Variants in PSD3 observed in about 807,000 individuals in gnomAD.
PSD3 encodes pleckstrin and Sec7 domain containing 3, also known as PH and SEC7 domain-containing protein 3.
In PSD3, 49 loss-of-function variants were observed where a neutral mutation model predicts 105.5. The observed-to-expected ratio is 0.46, with a 90% CI of 0.37 to 0.59. PSD3 has a LOEUF of 0.59. Among genes scored for constraint, PSD3 ranks in the 20% least tolerant of loss-of-function variants. The pLI is 0.00. For synonymous variants in PSD3, 557 were observed against 457.8 expected (o/e 1.22, Z -2.77); for missense variants, 1,561 against 1,263.8 (o/e 1.24, Z -3.57).
chr8:18,936,227 G>A, intron 1 of PSD3, 85 bp from the exon 2 acceptor site: 2 of 882,934 alleles, frequency 2.3e-6, no homozygotes, highest in Non-Finnish European at 3.7e-6. Context: ...ACATGAGATT[G>A]GTAAAATAAT....
At chr8:18,785,944 A>G (rs572315077) in intron 8 of PSD3, among the ~76,000 whole-genome samples, 1 of 152,328 alleles carries the variant, frequency 6.6e-6, no homozygotes, top group South Asian at 2.1e-4. Context: ...AATGGCACTG[A>G]TAAGACTCGC....
chr8:18,982,982 C>T (rs945153775), intron 1 of PSD3, among the ~76,000 whole-genome samples: 8 of 152,314 alleles, frequency 5.3e-5, no homozygotes, highest in African/African-American at 9.6e-5. Context: ...AAGTTCCAGA[C>T]GGCATCTTTT....
chr8:18,993,207 A>C (rs1420084632), intron 1 of PSD3, among the ~76,000 whole-genome samples: 1 of 152,194 alleles, frequency 6.6e-6, no homozygotes, highest in East Asian at 1.9e-4. Flanking sequence ...TTTTCTCTTT[A>C]GATCATATTC....
rs1051072086 is a variant in PSD3, at chr8:18,822,849, G to T, written c.1635-17951C>A. 6.6e-5 allele frequency among the ~76,000 whole-genome samples: 10 copies of T among 152,132 alleles called. 1 individual carries two copies. The highest frequency in any genetic ancestry group is 2.6e-4 in the Admixed American group (4 of 15,278). On this transcript the variant is annotated intron_variant, in intron 4 of 15. Coordinates refer to ENST00000327040, the MANE Select transcript of PSD3 (RefSeq NM_015310.4). ...TCAAATAAAAAAATCCATGTCAGAT[G>T]ACCAGGTTCAGGTATTTTAAAGTTT... is the stretch of plus-strand genomic sequence containing the variant.
At chr8:18,828,086 A>G (rs1283819215) in intron 4 of PSD3, among the ~76,000 whole-genome samples, 2 of 142,354 alleles carry the variant, frequency 1.4e-5, no homozygotes, top group African/African-American at 5.5e-5. Flanking sequence ...TTTTTACAAA[A>G]AAAATGAGGT....
intron 2 of PSD3, among the ~76,000 whole-genome samples, chr8:18,899,794 A>G (rs565897255): frequency 4.5e-4 from 67 of 149,154 alleles, no homozygotes; most frequent in African/African-American, 1.5e-3. Flanking sequence ...TATATAACCC[A>G]AAGATTGGTA....
At chr8:18,864,606 C>T (rs1264142513) in intron 4 of PSD3, 3 of 152,140 alleles carry the variant, frequency 2.0e-5, no homozygotes, top group African/African-American at 7.2e-5. Context: ...AAGCCTTCCT[C>T]AGAGCTCACT....
At chr8:18,536,144 T>A (rs959112249) in intron 15 of PSD3, among the ~76,000 whole-genome samples, 186 bp from the exon 16 acceptor site, 13 of 152,214 alleles carry the variant, frequency 8.5e-5, no homozygotes, top group African/African-American at 3.1e-4. Context: ...GACTGTCTTA[T>A]GTAGATAAGA....
At chr8:18,544,171 CAA>C (rs201016537) in intron 15 of PSD3, among the ~76,000 whole-genome samples, 5,758 of 103,522 alleles carry the variant, frequency 0.056, 207 homozygotes, top group East Asian at 0.15. Context: ...AGAAACAAAC[CAA>C]AAAAAAAAAA....
chr8:18,793,488 A>G (rs1454912117), intron 8 of PSD3, among the ~76,000 whole-genome samples: 1 of 152,114 alleles, frequency 6.6e-6, no homozygotes, highest in Non-Finnish European at 1.5e-5. Flanking sequence ...CTGACCTTAA[A>G]GTTAGAAATC....
At chr8:18,703,870 T>C (rs372704166) in intron 9 of PSD3, among the ~76,000 whole-genome samples, 15 of 152,302 alleles carry the variant, frequency 9.8e-5, no homozygotes, top group African/African-American at 3.6e-4. Flanking sequence ...TATTTGACAA[T>C]GAATTTCACA....
At chr8:18,798,172 G>A (rs541416460) in intron 8 of PSD3, among the ~76,000 whole-genome samples, 9 of 152,202 alleles carry the variant, frequency 5.9e-5, no homozygotes, top group African/African-American at 1.2e-4. Flanking sequence ...TGTATTAGCC[G>A]TGCTATACTG....
intron 9 of PSD3, chr8:18,730,187 C>T (rs1289301908): frequency 1.3e-5 from 2 of 152,106 alleles, no homozygotes; most frequent in Admixed American, 6.5e-5. Context: ...TTCCGTGGGA[C>T]AGCTCTAAAA....
chr8:18,707,118 C>A (rs1471706537), intron 9 of PSD3, among the ~76,000 whole-genome samples: 1 of 152,128 alleles, frequency 6.6e-6, no homozygotes, highest in South Asian at 2.1e-4. Flanking sequence ...GTATACACAT[C>A]ATATACTCAC....
At chr8:18,705,380 A>T (rs74889039) in intron 9 of PSD3, among the ~76,000 whole-genome samples, 1 of 151,586 alleles carries the variant, frequency 6.6e-6, no homozygotes, top group African/African-American at 2.4e-5. Flanking sequence ...AAAATAGAAA[A>T]ATTAGCTGGG....
chr8:18,923,944 A>G (rs915107099), intron 2 of PSD3, among the ~76,000 whole-genome samples: 1 of 149,586 alleles, frequency 6.7e-6, no homozygotes, highest in Non-Finnish European at 1.5e-5. Flanking sequence ...TTAAACACCA[A>G]TCTAAAAAAA....
At chr8:18,824,919 A>T (rs77504810) in intron 4 of PSD3, among the ~76,000 whole-genome samples, 1 of 152,080 alleles carries the variant, frequency 6.6e-6, no homozygotes, top group Non-Finnish European at 1.5e-5. Flanking sequence ...CCCTCTTTCC[A>T]TAAGTCCCCC....
chr8:18,864,983 C>T (rs1307697604), intron 4 of PSD3: 2 of 151,798 alleles, frequency 1.3e-5, no homozygotes, highest in Non-Finnish European at 2.9e-5. Context: ...CAACAAGCAG[C>T]TCTACATTTA....
chr8:18,900,516 T>C (rs2129460585), intron 2 of PSD3, among the ~76,000 whole-genome samples: 1 of 152,276 alleles, frequency 6.6e-6, no homozygotes, highest in South Asian at 2.1e-4. Context: ...ATCATGAATT[T>C]TCCCTGCTTC....
Sources: gnomAD v4.1 joint callset for allele counts (sites outside exome capture counted in the v4.1 genomes callset) on GRCh38, gnomAD v4.1.1 for gene constraint, MANE v1.5 for transcripts, NCBI Gene and HGNC (gene_info 2026-07-23, HGNC 2026-07-21) for gene names.